The following ATG14 variants were observed in gnomAD, a reference collection of about 807,000 sequenced individuals.
ATG14 encodes the protein autophagy related 14, also known as beclin 1-associated autophagy-related key regulator.
Under a neutral mutation model 60.4 loss-of-function variants are expected in ATG14, and 35 were observed. The observed-to-expected ratio is 0.58, with a 90% CI of 0.44 to 0.77. The LOEUF (loss-of-function observed/expected upper bound fraction) is 0.77. Ranked by LOEUF, ATG14 falls within the 30% of genes least tolerant of loss-of-function variation. The pLI is 0.00. For missense variants in ATG14, 647 were observed against 626.3 expected (o/e 1.03, Z -0.35); for synonymous variants, 234 against 228.8 (o/e 1.02, Z -0.21).
At chr14:55,373,004 C>CGG (rs201636846) in intron 9 of ATG14, among the ~76,000 whole-genome samples, 2 of 117,166 alleles carry the variant, frequency 1.7e-5, no homozygotes, top group African/African-American at 3.0e-5. Flanking sequence ...AGCCACAGAG[C>CGG]AGGAGGAGAG....
At chr14:55,386,217 T>C (rs1283603691) in intron 4 of ATG14, 121 bp from the exon 5 acceptor site, 4 of 797,212 alleles carry the variant, frequency 5.0e-6, no homozygotes, top group Non-Finnish European at 7.9e-6. Context: ...AAAACCTGAA[T>C]AATATAATGT....
At chr14:55,371,329 T>C (rs1337904798) in intron 9 of ATG14, among the ~76,000 whole-genome samples, 2 of 152,174 alleles carry the variant, frequency 1.3e-5, no homozygotes, top group African/African-American at 2.4e-5. Context: ...GTCTGCACCG[T>C]TGACTCACTT....
At position 55,378,039 on chromosome 14, in the gene ATG14, A is replaced by G; in HGVS notation, c.1031T>C (p.Phe344Ser). ...ATTCAGTTTCTTCACTGCTCGAGTAAATTTCTGCTTGCTTAGATTTTCGCC... is the reference window on the plus strand; with the variant it reads ...ATTCAGTTTCTTCACTGCTCGAGTAGATTTCTGCTTGCTTAGATTTTCGCC... ...FCGENLSKQK[F>S]TRAVKKLNAN... Residue 344 changes from phenylalanine (F) to serine (S), a missense_variant, in exon 8 of 10, where the codon TTT (phenylalanine) becomes TCT (serine). By Grantham distance (155) the Phe-to-Ser change is radical (BLOSUM62 -2). Transcript: ENST00000247178. The G allele has an allele frequency of 2.5e-6, 4 of 1,613,082 alleles. No homozygotes were observed. The highest frequency in any genetic ancestry group is 3.4e-6 in the Non-Finnish European group (4 of 1,179,214).
chr14:55,374,564 T>C (rs1174112199), intron 9 of ATG14, among the ~76,000 whole-genome samples: 2 of 152,254 alleles, frequency 1.3e-5, no homozygotes, highest in Non-Finnish European at 2.9e-5. Context: ...ACTCCTTTCC[T>C]TTATGGTTTT....
intron 1 of ATG14, among the ~76,000 whole-genome samples, chr14:55,407,135 T>C (rs1389927769): frequency 6.6e-6 from 1 of 151,936 alleles, no homozygotes; most frequent in Non-Finnish European, 1.5e-5. Context: ...CTAATTTTTG[T>C]TTTTGTTTTT....
chr14:55,411,701 T>G lies in ATG14; in HGVS notation c.122A>C (p.Glu41Ala), dbSNP rs751473872. The change falls in exon 1 of 10, where the codon GAG becomes GCG. Residue 41 changes from glutamate to alanine, a missense_variant. By Grantham distance (107) the Glu-to-Ala change is moderately radical. Coordinates refer to ENST00000247178, the MANE Select transcript of ATG14 (RefSeq NM_014924.5). ...GGTAGTGTTGCACAGCGGGCAGCGC[T>G]CCACAGCCACGTACAGCCCCTCCGC... ...DDAEGLYVAV[E>A]RCPLCNTTRR... is the part of the protein sequence containing the mutation. 6.2e-7 allele frequency: 1 copy of G among 1,612,880 alleles called. No homozygotes were observed. Among genetic ancestry groups the G allele is most frequent in the Non-Finnish European group, 8.5e-7 (1 of 1,179,704 alleles).
At chr14:55,409,397 A>G (rs1885536575) in intron 1 of ATG14, among the ~76,000 whole-genome samples, 1 of 152,226 alleles carries the variant, frequency 6.6e-6, no homozygotes, top group Admixed American at 6.5e-5. Context: ...GCCCTCATAG[A>G]GTTTATATCA....
chr14:55,406,478 T>C (rs1885493408), intron 1 of ATG14, among the ~76,000 whole-genome samples: 1 of 152,228 alleles, frequency 6.6e-6, no homozygotes, highest in Non-Finnish European at 1.5e-5. Flanking sequence ...ATTATGAAGA[T>C]AGAATATCTC....
At chr14:55,380,501 G>A in intron 7 of ATG14, 72 bp downstream of exon 7, 1 of 993,728 alleles carries the variant, frequency 1.0e-6, no homozygotes, top group Non-Finnish European at 1.5e-6. Flanking sequence ...TGGTTTATTG[G>A]AATAAATAAA....
chr14:55,393,548 A>ATTT (rs776111828), intron 3 of ATG14, among the ~76,000 whole-genome samples: 3 of 142,902 alleles, frequency 2.1e-5, no homozygotes, highest in African/African-American at 5.1e-5. Context: ...ATCTTTTCAG[A>ATTT]TTTTTTTTTT....
At chr14:55,393,410 T>C (rs1254191506) in intron 3 of ATG14, among the ~76,000 whole-genome samples, 2 of 151,558 alleles carry the variant, frequency 1.3e-5, no homozygotes, top group Admixed American at 1.3e-4. Context: ...AAAAAAGAAA[T>C]ATATGAATAA....
chr14:55,381,866 C>G (rs1258560873), intron 6 of ATG14, 96 bp downstream of exon 6: 1 of 1,018,098 alleles, frequency 9.8e-7, no homozygotes, highest in East Asian at 2.5e-5. Context: ...ACTAAATGCC[C>G]CTGAATGGTT....
chr14:55,380,388 A>G (rs1303003696), intron 7 of ATG14, among the ~76,000 whole-genome samples, 185 bp downstream of exon 7: 2 of 152,208 alleles, frequency 1.3e-5, no homozygotes, highest in Non-Finnish European at 2.9e-5. Flanking sequence ...CTTCACGTAC[A>G]ACTGTAAGAT....
intron 4 of ATG14, among the ~76,000 whole-genome samples, 168 bp from the exon 5 acceptor site, chr14:55,386,264 G>C (rs1466704523): frequency 6.6e-6 from 1 of 152,164 alleles, no homozygotes; most frequent in African/African-American, 2.4e-5. Context: ...AGTTCAAGTA[G>C]ATATTACACA....
At chr14:55,404,445 T>C (rs1336455589) in intron 1 of ATG14, among the ~76,000 whole-genome samples, 2 of 152,230 alleles carry the variant, frequency 1.3e-5, no homozygotes, top group East Asian at 3.8e-4. Flanking sequence ...ATTTCCATCA[T>C]CACGTCAATT....
chr14:55,379,642 T>C (rs899809481), intron 7 of ATG14, among the ~76,000 whole-genome samples: 1 of 152,250 alleles, frequency 6.6e-6, no homozygotes, highest in Non-Finnish European at 1.5e-5. Context: ...TGTTTATATA[T>C]GCTTGAAATG....
intron 1 of ATG14, among the ~76,000 whole-genome samples, chr14:55,404,125 T>C (rs546392356): frequency 1.4e-4 from 21 of 152,326 alleles, no homozygotes; most frequent in African/African-American, 4.8e-4. Context: ...AGTTCACAAA[T>C]ATCTATCCCA....
rs770670215 is a variant in ATG14, at chr14:55,368,886, T to TC, written c.*732dup. On this transcript the variant is annotated 3_prime_UTR_variant, in exon 10 of 10. Transcript: ENST00000247178. ...TCAACTAGGTAAGAATAAGCTTAAT[T>TC]CCCCTCAGAATACAAGAAAATAGTT... 2.6e-5 allele frequency: 4 copies of TC among 152,340 alleles called. No homozygotes were observed. The highest frequency in any genetic ancestry group is 4.4e-5 in the Non-Finnish European group (3 of 68,018). The allele number at this position is 152,340 out of a possible 1,614,324, so 9.4% of individuals were successfully genotyped here. A position where few individuals can be genotyped will look rare whatever the true frequency, so the allele number is the denominator to read the frequency against.
chr14:55,371,851 C>CAAGTTT (rs1884826377), intron 9 of ATG14, among the ~76,000 whole-genome samples: 1 of 152,046 alleles, frequency 6.6e-6, no homozygotes, highest in East Asian at 1.9e-4. Context: ...GGGGTGCTCT[C>CAAGTTT]AAGTTTACTA....
Sources: allele counts gnomAD v4.1 joint callset (sites outside exome capture counted in the v4.1 genomes callset), GRCh38; gene constraint gnomAD v4.1.1; transcripts MANE v1.5; gene names NCBI Gene and HGNC (gene_info 2026-07-23, HGNC 2026-07-21).